DGKG: variants seen among roughly 807,000 people sequenced by gnomAD.
The protein encoded by DGKG is DAG kinase gamma.
Under a neutral mutation model 105.3 loss-of-function variants are expected in DGKG, and 78 were observed. The observed-to-expected ratio is 0.74, with a 90% CI of 0.62 to 0.89. DGKG has a LOEUF of 0.89. DGKG is among the 40% of genes least tolerant of loss of function. The probability of loss-of-function intolerance (pLI) is 0.00; values close to 1 mark genes in which losing one functional copy is unlikely to be tolerated. For synonymous variants in DGKG, 346 were observed against 367.1 expected, an observed-to-expected ratio of 0.94 and a Z score of 0.66; for missense variants, 958 against 1,020.1, an observed-to-expected ratio of 0.94 and a Z score of 0.83.
At chr3:186,324,822 G>A (rs11717426) in intron 1 of DGKG, among the ~76,000 whole-genome samples, 1 of 152,210 alleles carries the variant, frequency 6.6e-6, no homozygotes, top group Non-Finnish European at 1.5e-5. Flanking sequence ...ATGCAATGCA[G>A]CAATCCCATT....
rs1723693916 is a variant in DGKG, at chr3:186,298,240, G to T, written c.145-11C>A. On this transcript the variant is annotated splice_polypyrimidine_tract_variant and intron_variant, in intron 3 of 24. Transcript: ENST00000265022. The stretch of plus-strand genomic sequence containing the variant: ...ATCATAGCTAATCGGCTGAGAAGGG[G>T]CAAAAGGGCAAAGTCAGTGGAGAGA... 4 of 1,578,342 alleles carry T rather than the reference G, an allele frequency of 2.5e-6. No individual in the cohort carries two copies. Among genetic ancestry groups the T allele is most frequent in the Non-Finnish European group, 3.4e-6 (4 of 1,162,228 alleles).
In DGKG at chr3:186,210,733, G is replaced by A. The variant is rs1718997635; in HGVS notation, c.1917+1062C>T. 1.1e-5 allele frequency: 4 copies of A among 372,764 alleles called. No individual in the cohort carries two copies. Among genetic ancestry groups the A allele is most frequent in the South Asian group, 3.8e-5 (2 of 53,104 alleles). The allele number at this position is 372,764 out of a possible 1,614,324, so 23.1% of individuals were successfully genotyped here. A position where few individuals can be genotyped will look rare whatever the true frequency, so the allele number is the denominator to read the frequency against. On this transcript the variant is annotated intron_variant, in intron 21 of 24. Coordinates refer to ENST00000265022, the MANE Select transcript of DGKG (RefSeq NM_001346.3). This position sits in a 1 kb window ranked among gnomAD's most constrained non-coding sequence, Gnocchi z 5.2. ...CCCAGGCCCCACTGGACTGCAGTGC[G>A]GGCTTAGAGGCCAAGCTGGTGGGCC... is the stretch of plus-strand genomic sequence containing the variant.
Position 186,245,963 on chromosome 3 carries a change from AC to A in DGKG, c.1762-3396del, listed in dbSNP as rs769383799. Among the ~76,000 whole-genome samples the A allele has an allele frequency of 4.7e-4, 71 of 152,230 alleles. No homozygotes were observed. In the East Asian group the frequency reaches 9.6e-3, roughly 21 times the overall value. On this transcript the variant is annotated intron_variant, in intron 19 of 24. Transcript: ENST00000265022. ...AAAACAGATGAAGTTAATATTTAAA[AC>A]AATTTTTAAATTTTTTTATTTTTTT...
At position 186,320,529 on chromosome 3, in the gene DGKG, A is replaced by C. The variant is rs1725029386; in HGVS notation, c.-70T>G. ...GTTCACTAGGCTGAAGTGGAGGCCCAGCCCAGGGCCTGGCTCATTGCAGGT... is the reference window on the plus strand; with the variant it reads ...GTTCACTAGGCTGAAGTGGAGGCCCCGCCCAGGGCCTGGCTCATTGCAGGT... On this transcript the variant is annotated 5_prime_UTR_variant, in exon 2 of 25. Coordinates refer to ENST00000265022, the MANE Select transcript of DGKG (RefSeq NM_001346.3). 2.5e-6 allele frequency: 4 copies of C among 1,612,902 alleles called. No individual in the cohort carries two copies. The Admixed American group carries it at 5.0e-5, about 20-fold the overall frequency.
rs1158303475 is a variant in DGKG, at chr3:186,263,481, C to T, written c.1270-1703G>A. 3.3e-5 allele frequency among the ~76,000 whole-genome samples: 5 copies of T among 151,994 alleles called. No individual in the cohort carries two copies. In the South Asian group the frequency reaches 6.2e-4, roughly 19 times the overall value. ...ACTTGGGAGGCTGAGGCAGGAGAAT[C>T]GCTTGAACCCGGGAGGCAAAGGTTG... On this transcript the variant is annotated intron_variant, in intron 14 of 24. Transcript: ENST00000265022.
At chr3:186,262,654 T>C (rs879631029) in intron 14 of DGKG, among the ~76,000 whole-genome samples, 8 of 152,228 alleles carry the variant, frequency 5.3e-5, no homozygotes, top group Admixed American at 5.2e-4. Flanking sequence ...AGTCTAGCCC[T>C]ATTCTACTGT....
intron 22 of DGKG, among the ~76,000 whole-genome samples, chr3:186,166,332 T>C (rs1243042136): frequency 6.6e-6 from 1 of 152,224 alleles, no homozygotes; most frequent in African/African-American, 2.4e-5. Context: ...CCCCTCTACA[T>C]CTACTGACAA....
At chr3:186,268,056 C>T (rs1722140651) in intron 12 of DGKG, among the ~76,000 whole-genome samples, 1 of 152,074 alleles carries the variant, frequency 6.6e-6, no homozygotes, top group Non-Finnish European at 1.5e-5. Flanking sequence ...AGTGTGGCAC[C>T]CCATGTTGAT....
At chr3:186,206,449 T>C (rs1718742640) in intron 21 of DGKG, among the ~76,000 whole-genome samples, 1 of 151,802 alleles carries the variant, frequency 6.6e-6, no homozygotes, top group Non-Finnish European at 1.5e-5. Flanking sequence ...GCCAGTGAAA[T>C]GAAACATCTC....
intron 20 of DGKG, among the ~76,000 whole-genome samples, chr3:186,224,574 G>A (rs532376412): frequency 6.6e-6 from 1 of 152,284 alleles, no homozygotes; most frequent in Admixed American, 6.5e-5. Flanking sequence ...CTGGGGTAAG[G>A]GGATTCTGTG....
chr3:186,206,128 G>A (rs962591427), intron 21 of DGKG, among the ~76,000 whole-genome samples: 1 of 152,178 alleles, frequency 6.6e-6, no homozygotes, highest in Non-Finnish European at 1.5e-5. Flanking sequence ...GCTTATGCCT[G>A]TAATCCCAGC....
At position 186,260,438 on chromosome 3, in the gene DGKG, C is replaced by T; in HGVS notation, c.1424+1G>A. On this transcript the variant is annotated splice_donor_variant, in intron 16 of 24. Transcript: ENST00000265022. LOFTEE classifies it high-confidence loss of function. ...AGAGGTAAAGATTGTGATCTCCATACCCTGGAGTAGGCCCCCCATTGTCCA... is the reference window on the plus strand; with the variant it reads ...AGAGGTAAAGATTGTGATCTCCATATCCTGGAGTAGGCCCCCCATTGTCCA... 13 of 1,606,326 alleles carry T rather than the reference C, an allele frequency of 8.1e-6. No individual in the cohort carries two copies. The highest frequency in any genetic ancestry group is 1.1e-5 in the Non-Finnish European group (13 of 1,172,958).
chr3:186,304,288 C>T (rs1475416694), intron 3 of DGKG, among the ~76,000 whole-genome samples: 1 of 152,246 alleles, frequency 6.6e-6, no homozygotes, highest in African/African-American at 2.4e-5. Context: ...GCTGGCTCTG[C>T]TATCTTCTCT....
At position 186,165,101 on chromosome 3, in the gene DGKG, A is replaced by G. The variant is rs1716476408; in HGVS notation, c.2096-83T>C. 4 of 1,480,922 alleles carry G rather than the reference A, an allele frequency of 2.7e-6. No individual in the cohort carries two copies. In the Admixed American group the frequency reaches 8.1e-5, roughly 30 times the overall value. 91.7% of individuals were successfully genotyped at this position (1,480,922 alleles called of 1,614,324 possible). A position where few individuals can be genotyped will look rare whatever the true frequency, so the allele number is the denominator to read the frequency against. On this transcript the variant is annotated intron_variant, in intron 22 of 24. Coordinates refer to ENST00000265022, the MANE Select transcript of DGKG (RefSeq NM_001346.3). ...TCTGGCCAGAAAGTCTGGTCCCCAG[A>G]TGGCCAATGTCTGTATCCCTTCATC...
chr3:186,188,442 C>T, intron 21 of DGKG, 63 bp from the exon 22 acceptor site: 2 of 1,526,428 alleles, frequency 1.3e-6, no homozygotes, highest in East Asian at 2.4e-5. Flanking sequence ...CCAAGGTGCT[C>T]TGTGTGTGTG....
At chr3:186,221,333 C>T (rs916201218) in intron 20 of DGKG, among the ~76,000 whole-genome samples, 2 of 152,024 alleles carry the variant, frequency 1.3e-5, no homozygotes, top group Admixed American at 6.6e-5. Flanking sequence ...GCTCCTTTCC[C>T]TCATCCAAAA....
rs142781087 is a variant in DGKG at position 186,172,417 on chromosome 3, T to A, written c.2096-7399A>T. 7.2e-4 allele frequency among the ~76,000 whole-genome samples: 110 copies of A among 152,328 alleles called. No individual in the cohort carries two copies. The Middle Eastern group carries it at 0.01, about 14-fold the overall frequency. ...GAGGGGCAGGGCCCCTGACTATGTA[T>A]GGAGCCAACAGAATTTCTAAACCAC... On this transcript the variant is annotated intron_variant, in intron 22 of 24. Coordinates refer to ENST00000265022, the MANE Select transcript of DGKG (RefSeq NM_001346.3).
At chr3:186,299,837 CTTT>C (rs67637144) in intron 3 of DGKG, among the ~76,000 whole-genome samples, 7 of 90,062 alleles carry the variant, frequency 7.8e-5, no homozygotes, top group African/African-American at 1.7e-4. Flanking sequence ...TTCTTTCTTT[CTTT>C]TTTTTTTTTT....
intron 22 of DGKG, among the ~76,000 whole-genome samples, chr3:186,183,730 G>A (rs959334487): frequency 6.7e-6 from 1 of 149,708 alleles, no homozygotes; most frequent in Non-Finnish European, 1.5e-5. Context: ...TTGAGATGAA[G>A]TTTCGCTCTT....
Sources: gnomAD v4.1 joint callset for allele counts (sites outside exome capture counted in the v4.1 genomes callset) on GRCh38, gnomAD v4.1.1 for gene constraint, Gnocchi (gnomAD v3.1) non-coding constraint, MANE v1.5 for transcripts, NCBI Gene and HGNC (gene_info 2026-07-23, HGNC 2026-07-21) for gene names.